The following MKLN1 variants were observed in gnomAD, a reference collection of about 807,000 sequenced individuals.
The protein encoded by MKLN1 is muskelin 1, also known as muskelin.
In MKLN1, 18 loss-of-function variants were observed where a neutral mutation model predicts 99.0. The observed-to-expected ratio is 0.18, with a 90% CI of 0.13 to 0.27. The LOEUF is 0.27. Ranked by LOEUF, MKLN1 falls within the 10% of genes least tolerant of loss-of-function variation. The pLI, the probability that MKLN1 is intolerant of heterozygous loss-of-function variation, is 1.00. For synonymous variants in MKLN1, 288 were observed against 293.2 expected (o/e 0.98, Z 0.18); for missense variants, 621 against 875.9 (o/e 0.71, Z 3.67).
At chr7:131,447,418 G>C (rs1796046768) in intron 12 of MKLN1, among the ~76,000 whole-genome samples, 1 of 152,144 alleles carries the variant, frequency 6.6e-6, no homozygotes. Flanking sequence ...TAACTAGGAG[G>C]GTCAGGCGCA....
chr7:131,458,770 G>A (rs1006840178), intron 12 of MKLN1, among the ~76,000 whole-genome samples: 2 of 151,494 alleles, frequency 1.3e-5, no homozygotes, highest in Non-Finnish European at 2.9e-5. Context: ...TTTTGCCCTC[G>A]TTAAGATTGC....
intron 12 of MKLN1, among the ~76,000 whole-genome samples, chr7:131,455,797 A>T (rs1026195650): frequency 6.6e-6 from 1 of 152,142 alleles, no homozygotes; most frequent in African/African-American, 2.4e-5. Context: ...TGTAATCCCA[A>T]CACTTTGGGA....
intron 17 of MKLN1, among the ~76,000 whole-genome samples, chr7:131,479,929 C>A (rs1407859222): frequency 6.9e-6 from 1 of 144,460 alleles, no homozygotes; most frequent in Admixed American, 7.3e-5. Context: ...GAGGCTGAGG[C>A]AGAATTGCTT....
chr7:131,277,794 A>G (rs986912676), intron 3 of MKLN1, among the ~76,000 whole-genome samples: 1 of 152,206 alleles, frequency 6.6e-6, no homozygotes, highest in Middle Eastern at 3.2e-3. Context: ...TCTTCTTTAA[A>G]AGACAAATAT....
intron 3 of MKLN1, among the ~76,000 whole-genome samples, chr7:131,213,215 C>A (rs1407984977): frequency 6.6e-6 from 1 of 152,020 alleles, no homozygotes; most frequent in Non-Finnish European, 1.5e-5. Context: ...CTATATTATG[C>A]TGTATATAAT....
rs185386263 is a variant in MKLN1, at chr7:131,184,555, G to A, written c.-296-18302G>A. On this transcript the variant is annotated intron_variant, in intron 2 of 7. Coordinates refer to the MKLN1 transcript ENST00000416992. ...CTTTTTTTTTTTGAGATGGAGTTTC[G>A]TTCTTGTTGCCCAGGCTGGAGTGCA... Among the ~76,000 whole-genome samples, 5 of 151,204 alleles carry A rather than the reference G, an allele frequency of 3.3e-5. No homozygotes were observed. In the East Asian group the frequency reaches 5.8e-4, roughly 18 times the overall value.
At chr7:131,207,487 C>A (rs868848736) in intron 3 of MKLN1, among the ~76,000 whole-genome samples, 2 of 152,158 alleles carry the variant, frequency 1.3e-5, no homozygotes, top group South Asian at 4.1e-4. Context: ...CATGAGCCAC[C>A]GCGCTGGACT....
At chr7:131,175,251 G>GATAGATAGATA (rs1554532231) in intron 2 of MKLN1, among the ~76,000 whole-genome samples, 10 of 150,160 alleles carry the variant, frequency 6.7e-5, no homozygotes, top group African/African-American at 2.2e-4. Flanking sequence ...TGGATGGATA[G>GATAGATAGATA]ATAGATAGAT....
chr7:131,156,465 A>AG (rs1236313975), intron 2 of MKLN1, among the ~76,000 whole-genome samples: 10 of 151,294 alleles, frequency 6.6e-5, no homozygotes, highest in Non-Finnish European at 1.2e-4. Context: ...AAAAAAAAAA[A>AG]AAAAAGAAAA....
chr7:131,443,187 T>C (rs185184333), intron 10 of MKLN1, among the ~76,000 whole-genome samples: 162 of 152,332 alleles, frequency 1.1e-3, no homozygotes, highest in African/African-American at 3.5e-3. Context: ...AAGTATTCAC[T>C]CTTACATATA....
chr7:131,453,714 A>G (rs1796251469), intron 12 of MKLN1, among the ~76,000 whole-genome samples: 1 of 152,118 alleles, frequency 6.6e-6, no homozygotes, highest in Non-Finnish European at 1.5e-5. Context: ...CAGAAATCAT[A>G]AAGAAAAGGA....
chr7:131,279,845 G>A (rs1165135122), intron 3 of MKLN1, among the ~76,000 whole-genome samples: 4 of 151,878 alleles, frequency 2.6e-5, no homozygotes, highest in Non-Finnish European at 5.9e-5. Context: ...ATAGTTCAAT[G>A]GTTTTTTTAC....
intron 3 of MKLN1, among the ~76,000 whole-genome samples, chr7:131,248,989 T>A (rs1162406347): frequency 6.6e-6 from 1 of 152,188 alleles, no homozygotes; most frequent in Non-Finnish European, 1.5e-5. Context: ...CAAGAAACCC[T>A]CTCCTGGAGA....
intron 12 of MKLN1, among the ~76,000 whole-genome samples, chr7:131,449,294 G>T (rs1048498836): frequency 5.9e-5 from 9 of 152,222 alleles, no homozygotes; most frequent in African/African-American, 1.9e-4. Context: ...TAGAGCTACG[G>T]AGATAAGAGT....
chr7:131,228,336 C>T (rs941514978), intron 3 of MKLN1, among the ~76,000 whole-genome samples: 2 of 151,938 alleles, frequency 1.3e-5, no homozygotes, highest in Non-Finnish European at 2.9e-5. Flanking sequence ...CATTCTTGAG[C>T]TCAAGATCTG....
intron 6 of MKLN1, among the ~76,000 whole-genome samples, chr7:131,408,707 T>A (rs1794781142): frequency 6.6e-6 from 1 of 152,164 alleles, no homozygotes; most frequent in Admixed American, 6.6e-5. Context: ...ATGATCCTCC[T>A]GCCTTAGCCT....
intron 1 of MKLN1, among the ~76,000 whole-genome samples, chr7:131,362,318 A>C: frequency 6.6e-6 from 1 of 152,032 alleles, no homozygotes; most frequent in Non-Finnish European, 1.5e-5. Context: ...AGCATCTTAC[A>C]TGTGGTCTGT....
chr7:131,392,907 A>ATT (rs761089064), intron 4 of MKLN1, among the ~76,000 whole-genome samples: 3 of 142,364 alleles, frequency 2.1e-5, no homozygotes, highest in Middle Eastern at 3.5e-3. Flanking sequence ...GCCTGGCCTA[A>ATT]TTTTTTTTTT....
chr7:131,306,767 A>T lies in MKLN1; in HGVS notation c.-178-68657A>T, dbSNP rs183279887. Among the ~76,000 whole-genome samples, 906 of 152,322 alleles carry T rather than the reference A, an allele frequency of 5.9e-3. 6 individuals are homozygous for T. Among genetic ancestry groups the T allele is most frequent in the Middle Eastern group, 0.01 (3 of 294 alleles). Reference sequence around the variant, plus strand: ...AAAGCAGAGCATAAAAGTTTGGAAAATTTGCAGCCTGACCATGTGGAAGAA... The same window carrying T: ...AAAGCAGAGCATAAAAGTTTGGAAATTTTGCAGCCTGACCATGTGGAAGAA... On this transcript the variant is annotated intron_variant, in intron 3 of 7. Coordinates refer to the MKLN1 transcript ENST00000416992.
Sources: gnomAD v4.1 joint callset for allele counts (sites outside exome capture counted in the v4.1 genomes callset) on GRCh38, gnomAD v4.1.1 for gene constraint, MANE v1.5 for transcripts, NCBI Gene and HGNC (gene_info 2026-07-23, HGNC 2026-07-21) for gene names.